Variants in SPATA17 observed in about 807,000 individuals in gnomAD.
The protein encoded by SPATA17 is spermatogenesis-associated protein 17.
Under a neutral mutation model 62.2 loss-of-function variants are expected in SPATA17, and 53 were observed. The ratio of observed to expected loss-of-function variants is 0.85; its 90% CI spans 0.68 to 1.07. The LOEUF is 1.07. Among genes scored for constraint, SPATA17 ranks in the 50% least tolerant of loss-of-function variants. The pLI, the probability that SPATA17 is intolerant of heterozygous loss-of-function variation, is 0.00. For synonymous variants in SPATA17, 146 were observed against 146.8 expected, an observed-to-expected ratio of 0.99 and a Z score of 0.04; for missense variants, 466 against 425.5, an observed-to-expected ratio of 1.10 and a Z score of -0.84.
In SPATA17 at chr1:217,651,175, G is replaced by T; in HGVS notation, c.237G>T (p.Val79=). The part of the protein sequence containing the change: ...FLGRKQYQLT[V]QVAYYTMMMN... ...GCAGAAAGCAATATCAACTAACTGTGCAGGTAAATATAAAATGTACATATG... is the reference window on the plus strand; with the variant it reads ...GCAGAAAGCAATATCAACTAACTGTTCAGGTAAATATAAAATGTACATATG... The change falls in exon 3 of 11, where the codon GTG becomes GTT. Residue 79 remains valine (V), a synonymous_variant. Transcript: ENST00000366933. 1 of 1,599,390 alleles carries T rather than the reference G, an allele frequency of 6.3e-7. No homozygotes were observed. The highest frequency in any genetic ancestry group is 8.5e-7 in the Non-Finnish European group (1 of 1,172,664).
intron 9 of SPATA17, among the ~76,000 whole-genome samples, chr1:217,810,429 C>T (rs934959509): frequency 2.6e-5 from 4 of 151,984 alleles, no homozygotes; most frequent in Non-Finnish European, 5.9e-5. Context: ...CGAGACCAGC[C>T]TGGCCAACAT....
chr1:217,644,684 A>G (rs558078258), intron 1 of SPATA17, among the ~76,000 whole-genome samples: 5 of 152,160 alleles, frequency 3.3e-5, no homozygotes, highest in Non-Finnish European at 5.9e-5. Context: ...GCCACTAATG[A>G]TATACATGAA....
rs185635479 is a variant in SPATA17, at chr1:217,842,659, G to A, written c.1006-20115G>A. Among the ~76,000 whole-genome samples, 49 of 151,938 alleles carry A rather than the reference G, an allele frequency of 3.2e-4. 1 individual carries two copies. In the East Asian group the frequency reaches 6.4e-3, roughly 20 times the overall value. Reference sequence around the variant, plus strand: ...TTTTTATTCATGGATATTGATAAATGTTGCTAATCAGTTTTGTTAAGGATT... The same window carrying A: ...TTTTTATTCATGGATATTGATAAATATTGCTAATCAGTTTTGTTAAGGATT... On this transcript the variant is annotated intron_variant, in intron 9 of 10. Coordinates refer to ENST00000366933, the MANE Select transcript of SPATA17 (RefSeq NM_138796.4).
At chr1:217,846,849 A>G (rs1675541015) in intron 9 of SPATA17, among the ~76,000 whole-genome samples, 1 of 152,098 alleles carries the variant, frequency 6.6e-6, no homozygotes, top group African/African-American at 2.4e-5. Flanking sequence ...CAACTTACAT[A>G]TAATTCATTT....
chr1:217,719,619 T>G (rs4271274), intron 5 of SPATA17, among the ~76,000 whole-genome samples: 2 of 152,196 alleles, frequency 1.3e-5, no homozygotes, highest in Non-Finnish European at 1.5e-5. Flanking sequence ...TCCACACCAG[T>G]AATTTGAACT....
intron 6 of SPATA17, among the ~76,000 whole-genome samples, chr1:217,751,732 C>T (rs1030315668): frequency 6.6e-5 from 10 of 152,142 alleles, no homozygotes; most frequent in African/African-American, 2.4e-4. Context: ...TCTCCTCTTG[C>T]CATCTTTTAA....
At chr1:217,848,068 ACAG>A (rs1675567791) in intron 9 of SPATA17, among the ~76,000 whole-genome samples, 1 of 152,184 alleles carries the variant, frequency 6.6e-6, no homozygotes, top group Admixed American at 6.6e-5. Flanking sequence ...CAAGAGGAAT[ACAG>A]CTGATAAATA....
intron 5 of SPATA17, among the ~76,000 whole-genome samples, chr1:217,702,745 G>A (rs550175563): frequency 1.8e-4 from 27 of 152,004 alleles, no homozygotes; most frequent in African/African-American, 6.3e-4. Flanking sequence ...TTTTCAGCTG[G>A]GTCTGTGAGT....
intron 3 of SPATA17, among the ~76,000 whole-genome samples, chr1:217,663,789 GT>G (rs1337050124): frequency 6.6e-6 from 1 of 151,968 alleles, no homozygotes; most frequent in African/African-American, 2.4e-5. Flanking sequence ...TACTTTAAAT[GT>G]TTTGCACTTG....
At chr1:217,830,759 A>C (rs1675122536) in intron 9 of SPATA17, among the ~76,000 whole-genome samples, 1 of 152,086 alleles carries the variant, frequency 6.6e-6, no homozygotes. Flanking sequence ...TAACGGTGTT[A>C]TTAACTCTGA....
chr1:217,805,817 G>A (rs547246759), intron 9 of SPATA17, among the ~76,000 whole-genome samples: 17 of 152,322 alleles, frequency 1.1e-4, no homozygotes, highest in African/African-American at 3.8e-4. Flanking sequence ...GATATGCTGT[G>A]TTCATGGACT....
At chr1:217,762,042 T>G (rs1303101369) in intron 6 of SPATA17, among the ~76,000 whole-genome samples, 2 of 152,124 alleles carry the variant, frequency 1.3e-5, no homozygotes, top group Non-Finnish European at 2.9e-5. Flanking sequence ...CATGAAATGG[T>G]CTTCTCCCTT....
intron 4 of SPATA17, among the ~76,000 whole-genome samples, chr1:217,669,935 C>T (rs942450987): frequency 2.6e-5 from 4 of 152,028 alleles, no homozygotes; most frequent in African/African-American, 7.2e-5. Context: ...GTCTAGCCAG[C>T]TCACTCTAGT....
chr1:217,636,131 C>CACAA (rs763211922), intron 1 of SPATA17, among the ~76,000 whole-genome samples: 1 of 101,658 alleles, frequency 9.8e-6, no homozygotes, highest in African/African-American at 4.3e-5. Context: ...GACTCCGTCT[C>CACAA]AAAAAAAAAA....
chr1:217,645,237 C>T (rs547093421), intron 1 of SPATA17, among the ~76,000 whole-genome samples: 1 of 151,718 alleles, frequency 6.6e-6, no homozygotes, highest in Non-Finnish European at 1.5e-5. Flanking sequence ...TAATAATATC[C>T]CAAAAAGAAA....
At chr1:217,704,229 C>CATTT (rs1671677329) in intron 5 of SPATA17, among the ~76,000 whole-genome samples, 1 of 53,246 alleles carries the variant, frequency 1.9e-5, no homozygotes, top group African/African-American at 4.8e-5. Flanking sequence ...CTTCCCTCTA[C>CATTT]CTTTTTTTTT....
intron 9 of SPATA17, among the ~76,000 whole-genome samples, chr1:217,848,175 T>G (rs1675569791): frequency 6.6e-6 from 1 of 152,164 alleles, no homozygotes; most frequent in Non-Finnish European, 1.5e-5. Context: ...AAAACATGCA[T>G]AAAGAAAAAT....
At chr1:217,636,808 C>T (rs962158543) in intron 1 of SPATA17, among the ~76,000 whole-genome samples, 2 of 152,154 alleles carry the variant, frequency 1.3e-5, no homozygotes, top group African/African-American at 4.8e-5. Flanking sequence ...CATCTTTTAA[C>T]TTTTTGGTGC....
chr1:217,684,914 G>A (rs755737885), intron 5 of SPATA17, among the ~76,000 whole-genome samples: 4 of 152,140 alleles, frequency 2.6e-5, no homozygotes, highest in Admixed American at 1.3e-4. Flanking sequence ...AGAGAAATTT[G>A]TTAATTTGAT....
Sources: gnomAD v4.1 joint callset for allele counts (sites outside exome capture counted in the v4.1 genomes callset) on GRCh38, gnomAD v4.1.1 for gene constraint, MANE v1.5 for transcripts, NCBI Gene and HGNC (gene_info 2026-07-23, HGNC 2026-07-21) for gene names.